ABHD18: variants seen among roughly 807,000 people sequenced by gnomAD.
ABHD18 encodes abhydrolase domain containing 18.
In ABHD18, 55 loss-of-function variants were observed where a neutral mutation model predicts 65.9. The ratio of observed to expected loss-of-function variants is 0.84; its 90% CI spans 0.67 to 1.05. The LOEUF is 1.05. ABHD18 is among the 50% of genes least tolerant of loss of function. ABHD18 has a pLI of 0.00. For missense variants in ABHD18, 533 were observed against 558.5 expected, an observed-to-expected ratio of 0.95 and a Z score of 0.46; for synonymous variants, 181 against 180.2, an observed-to-expected ratio of 1.00 and a Z score of -0.04.
intron 9 of ABHD18, among the ~76,000 whole-genome samples, chr4:128,020,665 A>G (rs1756341044): frequency 1.3e-5 from 2 of 152,184 alleles, no homozygotes; most frequent in Admixed American, 6.6e-5. Context: ...AAAGTTTTAT[A>G]TAAGTATAGA....
intron 1 of ABHD18, among the ~76,000 whole-genome samples, chr4:127,978,289 CAGT>C (rs1487249316): frequency 6.6e-6 from 1 of 151,824 alleles, no homozygotes; most frequent in Non-Finnish European, 1.5e-5. Flanking sequence ...AATTAGAAAA[CAGT>C]AGAGAGAAAA....
intron 4 of ABHD18, among the ~76,000 whole-genome samples, chr4:128,007,122 G>A (rs1352017639): frequency 4.6e-5 from 7 of 151,880 alleles, no homozygotes; most frequent in African/African-American, 7.3e-5. Flanking sequence ...TCCAGCCTGG[G>A]CAACAAGAGC....
chr4:127,971,647 C>T (rs933075745), intron 1 of ABHD18, among the ~76,000 whole-genome samples: 2 of 151,802 alleles, frequency 1.3e-5, no homozygotes, highest in Non-Finnish European at 2.9e-5. Context: ...CCCGCCACCA[C>T]GCCCGGCTAG....
chr4:128,004,971 G>C (rs1024649259), intron 4 of ABHD18, among the ~76,000 whole-genome samples: 1 of 151,784 alleles, frequency 6.6e-6, no homozygotes, highest in Non-Finnish European at 1.5e-5. Context: ...GCTCACACCT[G>C]TAATCCCAGC....
chr4:127,980,645 G>A (rs910010487), intron 1 of ABHD18, among the ~76,000 whole-genome samples: 1 of 151,766 alleles, frequency 6.6e-6, no homozygotes, highest in Non-Finnish European at 1.5e-5. Flanking sequence ...ACGACATGGT[G>A]AAACCCCGTC....
intron 1 of ABHD18, among the ~76,000 whole-genome samples, chr4:127,970,662 C>G (rs1045311600): frequency 1.1e-4 from 17 of 151,166 alleles, no homozygotes; most frequent in Middle Eastern, 3.4e-3. Flanking sequence ...GAAGTCCTAT[C>G]TGGGTGCAGT....
In ABHD18 at chr4:128,017,377, A is replaced by G; in HGVS notation, c.485A>G (p.Lys162Arg). ...TGTGAGGCTAGAAGGTCCAGCTTAA[A>G]AAATGTGTCCGACCTTTTTGTGATG... ...KPKDQVRSSL[K>R]NVSDLFVMGG... The change falls in exon 8 of 13, where the codon AAA becomes AGA. Residue 162 changes from lysine to arginine, a missense_variant. This residue lies in a region of ABHD18 where 309 missense variants were observed against 313.5 expected (regional missense o/e 0.99). Transcript: ENST00000645843. 1 of 1,613,744 alleles carries G rather than the reference A, an allele frequency of 6.2e-7. No individual in the cohort carries two copies. The highest frequency in any genetic ancestry group is 1.1e-5 in the South Asian group (1 of 91,002).
intron 4 of ABHD18, among the ~76,000 whole-genome samples, chr4:128,002,977 T>C (rs1490874833): frequency 6.6e-6 from 1 of 152,136 alleles, no homozygotes; most frequent in Non-Finnish European, 1.5e-5. Flanking sequence ...AACTCTTCTC[T>C]TATAATTTAT....
In ABHD18 at chr4:128,035,930, G is replaced by A; in HGVS notation, c.*117G>A. ...TAATATATCTAATCGCTATCAATTTGGTCTGGAATTCATTGTTACACATCA... is the reference window on the plus strand; with the variant it reads ...TAATATATCTAATCGCTATCAATTTAGTCTGGAATTCATTGTTACACATCA... On this transcript the variant is annotated 3_prime_UTR_variant, in exon 13 of 13. Transcript: ENST00000645843. The A allele has an allele frequency of 2.0e-6, 1 of 501,252 alleles. No individual in the cohort carries two copies. The highest frequency in any genetic ancestry group is 1.9e-5 in the African/African-American group (1 of 51,910). The allele number at this position is 501,252 out of a possible 1,614,324, so 31.1% of individuals were successfully genotyped here. A position where few individuals can be genotyped will look rare whatever the true frequency, so the allele number is the denominator to read the frequency against.
chr4:127,995,056 T>A (rs1751520822), intron 4 of ABHD18, among the ~76,000 whole-genome samples: 1 of 152,082 alleles, frequency 6.6e-6, no homozygotes, highest in South Asian at 2.1e-4. Flanking sequence ...ATTTTTGTAT[T>A]TTTAGTAGAG....
At chr4:127,978,725 A>G (rs1208384649) in intron 1 of ABHD18, among the ~76,000 whole-genome samples, 1 of 152,196 alleles carries the variant, frequency 6.6e-6, no homozygotes, top group African/African-American at 2.4e-5. Flanking sequence ...AAAGTCTTAT[A>G]GTAAGAATTT....
chr4:128,026,622 T>C (rs1159612327), intron 10 of ABHD18, among the ~76,000 whole-genome samples: 2 of 152,182 alleles, frequency 1.3e-5, no homozygotes, highest in South Asian at 2.1e-4. Flanking sequence ...AAATATATTT[T>C]CCCAGGCTGT....
intron 12 of ABHD18, chr4:128,031,298 CA>C (rs547911818): frequency 0.084 from 5,426 of 64,650 alleles, 240 homozygotes; most frequent in East Asian, 0.35. Context: ...AGTAAAAATA[CA>C]AAAAAAAAAA....
intron 10 of ABHD18, among the ~76,000 whole-genome samples, chr4:128,026,818 C>T (rs1435807895): frequency 2.4e-4 from 35 of 148,876 alleles, no homozygotes; most frequent in Non-Finnish European, 4.4e-5. Context: ...CGGAGTCTTG[C>T]TCTGTCGCCC....
chr4:127,974,188 GTT>G (rs34967150), intron 1 of ABHD18, among the ~76,000 whole-genome samples: 2,656 of 101,336 alleles, frequency 0.026, 91 homozygotes, highest in African/African-American at 0.092. Context: ...CTTAAGTTCT[GTT>G]TTTTTTTTTT....
chr4:128,011,413 G>A (rs1176403604), intron 6 of ABHD18, among the ~76,000 whole-genome samples: 3 of 151,166 alleles, frequency 2.0e-5, no homozygotes, highest in African/African-American at 7.3e-5. Context: ...CTCCCAAAGT[G>A]CTGGGATTAC....
At chr4:128,010,900 G>A (rs1415862600) in intron 6 of ABHD18, among the ~76,000 whole-genome samples, 4 of 123,928 alleles carry the variant, frequency 3.2e-5, no homozygotes, top group East Asian at 2.6e-4. Flanking sequence ...GCAAGACTGC[G>A]CCTCAAAAAA....
At chr4:128,027,694 G>A (rs1410648193) in intron 10 of ABHD18, among the ~76,000 whole-genome samples, 2 of 152,256 alleles carry the variant, frequency 1.3e-5, no homozygotes, top group East Asian at 3.9e-4. Flanking sequence ...GTGAGCCACC[G>A]CGCCTGGCCA....
intron 10 of ABHD18, among the ~76,000 whole-genome samples, chr4:128,026,927 AG>A (rs1350490232): frequency 1.3e-5 from 2 of 151,800 alleles, no homozygotes; most frequent in African/African-American, 2.4e-5. Context: ...CTGGGATTAC[AG>A]GTGCCCACCA....
Sources: allele counts gnomAD v4.1 joint callset (sites outside exome capture counted in the v4.1 genomes callset), GRCh38; gene constraint gnomAD v4.1.1; regional missense constraint gnomAD v4.1.1; transcripts MANE v1.5; gene names NCBI Gene and HGNC (gene_info 2026-07-23, HGNC 2026-07-21).